The following ARHGEF28 variants were observed in gnomAD, a reference collection of about 807,000 sequenced individuals.
ARHGEF28 encodes the protein 190 kDa guanine nucleotide exchange factor.
ARHGEF28 carries 152 observed loss-of-function variants against 206.6 expected under a neutral mutation model. The ratio of observed to expected loss-of-function variants is 0.74; its 90% CI spans 0.64 to 0.84. The LOEUF (loss-of-function observed/expected upper bound fraction) is 0.84. Ranked by LOEUF, ARHGEF28 falls within the 40% of genes least tolerant of loss-of-function variation. The probability of loss-of-function intolerance (pLI) is 0.00; values close to 1 mark genes in which losing one functional copy is unlikely to be tolerated. For missense variants in ARHGEF28, 2,028 were observed against 2,073.2 expected, an observed-to-expected ratio of 0.98 and a Z score of 0.42; for synonymous variants, 763 against 776.4, an observed-to-expected ratio of 0.98 and a Z score of 0.29.
intron 9 of ARHGEF28, among the ~76,000 whole-genome samples, chr5:73,831,416 C>T (rs967110770): frequency 5.9e-5 from 9 of 152,180 alleles, no homozygotes; most frequent in Non-Finnish European, 1.3e-4. Context: ...TTTAGGCAAC[C>T]TCATCTATTT....
chr5:73,697,574 C>G (rs1376525998), intron 2 of ARHGEF28, among the ~76,000 whole-genome samples: 1 of 152,102 alleles, frequency 6.6e-6, no homozygotes, highest in Non-Finnish European at 1.5e-5. Context: ...GCTCAGGTCT[C>G]TCTCCCTCTT....
In ARHGEF28 at chr5:73,858,174, G is replaced by C; in HGVS notation, c.2002G>C (p.Val668Leu). The C allele has an allele frequency of 6.2e-7, 1 of 1,610,718 alleles. No homozygotes were observed. Among genetic ancestry groups the C allele is most frequent in the Non-Finnish European group, 8.5e-7 (1 of 1,179,000 alleles). The change falls in exon 16 of 36, where the codon GTT becomes CTT. Residue 668 changes from valine (V) to leucine (L), a missense_variant. Physicochemically the swap from Val to Leu is conservative, Grantham distance 32. Around this residue, in one of 3 missense-constraint regions of ARHGEF28, gnomAD observed 1,002 missense variants for 1,015.3 expected, o/e 0.99. Coordinates refer to ENST00000513042, the MANE Select transcript of ARHGEF28 (RefSeq NM_001177693.2). ...ATTCTCTGGGGTTCTGCAGTGTTTGGTTTGTGATAAAACACTCCTGGGGAA... is the reference window on the plus strand; with the variant it reads ...ATTCTCTGGGGTTCTGCAGTGTTTGCTTTGTGATAAAACACTCCTGGGGAA... ...GTFSGVLQCLVCDKTLLGKES... is the reference protein window; with the variant it reads ...GTFSGVLQCLLCDKTLLGKES...
chr5:73,685,933 A>G (rs1458296941), intron 2 of ARHGEF28, among the ~76,000 whole-genome samples: 1 of 152,136 alleles, frequency 6.6e-6, no homozygotes, highest in Non-Finnish European at 1.5e-5. Context: ...AATTGGAACA[A>G]ATTTAATCAG....
chr5:73,717,140 A>G (rs1057290546), intron 2 of ARHGEF28, among the ~76,000 whole-genome samples: 1 of 152,162 alleles, frequency 6.6e-6, no homozygotes, highest in Non-Finnish European at 1.5e-5. Flanking sequence ...TAATTAACAG[A>G]ATGCGACTCC....
chr5:73,842,168 C>A (rs1758028642), intron 11 of ARHGEF28, among the ~76,000 whole-genome samples: 1 of 152,140 alleles, frequency 6.6e-6, no homozygotes, highest in African/African-American at 2.4e-5. Context: ...TCACACTTTC[C>A]TTAGGGAGTA....
intron 26 of ARHGEF28, among the ~76,000 whole-genome samples, chr5:73,891,422 G>A (rs1380821785): frequency 6.6e-6 from 1 of 151,988 alleles, no homozygotes; most frequent in Non-Finnish European, 1.5e-5. Context: ...ATTTGACATA[G>A]TTTCCTATCT....
rs76768076 is a variant in ARHGEF28 at position 73,919,773 on chromosome 5, C to T, written c.4948+8198C>T. Among the ~76,000 whole-genome samples, 1,261 of 152,202 alleles carry T rather than the reference C, an allele frequency of 8.3e-3. 14 individuals carry two copies. Among genetic ancestry groups the T allele is most frequent in the African/African-American group, 0.028 (1,179 of 41,534 alleles). On this transcript the variant is annotated intron_variant, in intron 35 of 35. Coordinates refer to ENST00000513042, the MANE Select transcript of ARHGEF28 (RefSeq NM_001177693.2). ...TAATCTCTTTTTGAGTTTGGTTATC[C>T]TGAATCAATTTGTACTTGTTAGTTC...
chr5:73,868,287 C>T (rs2112633462), intron 20 of ARHGEF28, 60 bp downstream of exon 20: 5 of 1,503,728 alleles, frequency 3.3e-6, no homozygotes, highest in Non-Finnish European at 4.5e-6. Context: ...CAAAATGACA[C>T]TGTCTGAAGG....
intron 33 of ARHGEF28, 126 bp downstream of exon 33, chr5:73,904,531 C>T: frequency 9.5e-7 from 1 of 1,049,508 alleles, no homozygotes; most frequent in Non-Finnish European, 1.4e-6. Context: ...AGAATGACAA[C>T]CTTCTAAGTG....
chr5:73,794,854 G>A (rs531172762), intron 8 of ARHGEF28, among the ~76,000 whole-genome samples: 3 of 152,244 alleles, frequency 2.0e-5, no homozygotes, highest in Non-Finnish European at 2.9e-5. Flanking sequence ...TGATCTGCCC[G>A]CCTCGGTCTC....
At chr5:73,654,389 G>A (rs1015645834) in intron 1 of ARHGEF28, among the ~76,000 whole-genome samples, 8 of 152,208 alleles carry the variant, frequency 5.3e-5, no homozygotes, top group Admixed American at 5.2e-4. Flanking sequence ...ACAGGGAGAG[G>A]CCTTTCCTCT....
At position 73,882,530 on chromosome 5, in the gene ARHGEF28, A is replaced by G; in HGVS notation, c.2873A>G (p.His958Arg). Residue 958 changes from histidine to arginine, a missense_variant, in exon 23 of 36, where the codon CAT (histidine) becomes CGT (arginine). Coordinates refer to ENST00000513042, the MANE Select transcript of ARHGEF28 (RefSeq NM_001177693.2). ...ATATATGGAGAATTCTGTTGCCATCATAAAGAAGCTGTTAACCTCTTTAAA... is the reference window on the plus strand; with the variant it reads ...ATATATGGAGAATTCTGTTGCCATCGTAAAGAAGCTGTTAACCTCTTTAAA... ...KKIYGEFCCH[H>R]KEAVNLFKEL... The G allele has an allele frequency of 6.6e-7, 1 of 1,512,636 alleles. No homozygotes were observed. The highest frequency in any genetic ancestry group is 8.9e-7 in the Non-Finnish European group (1 of 1,120,470). 93.7% of individuals were successfully genotyped at this position (1,512,636 alleles called of 1,614,324 possible). A position where few individuals can be genotyped will look rare whatever the true frequency, so the allele number is the denominator to read the frequency against.
chr5:73,642,520 G>A lies in ARHGEF28; in HGVS notation c.-12+16198G>A, dbSNP rs1161009729. On this transcript the variant is annotated intron_variant, in intron 1 of 35. Coordinates refer to ENST00000513042, the MANE Select transcript of ARHGEF28 (RefSeq NM_001177693.2). ...CCAGTGTGTTTAATGCATTCCAGGA[G>A]TCTGTTTGCATTTTAAATGCATTGC... Among the ~76,000 whole-genome samples, 3 of 152,138 alleles carry A rather than the reference G, an allele frequency of 2.0e-5. No individual in the cohort carries two copies. In the East Asian group the frequency reaches 5.8e-4, roughly 29 times the overall value.
At chr5:73,766,987 C>T (rs4499812) in intron 4 of ARHGEF28, among the ~76,000 whole-genome samples, 2,326 of 152,220 alleles carry the variant, frequency 0.015, 53 homozygotes, top group African/African-American at 0.054. Context: ...ATTGAATTAT[C>T]GGGGTGGGTC....
chr5:73,667,194 C>T (rs1031608652), intron 1 of ARHGEF28, among the ~76,000 whole-genome samples: 4 of 152,052 alleles, frequency 2.6e-5, no homozygotes, highest in Admixed American at 6.6e-5. Flanking sequence ...AGCCTCCCTC[C>T]TATCGTGGCC....
At chr5:73,921,042 C>CT (rs1352527263) in intron 35 of ARHGEF28, among the ~76,000 whole-genome samples, 2 of 152,118 alleles carry the variant, frequency 1.3e-5, no homozygotes, top group African/African-American at 4.8e-5. Context: ...TTCTTAAACT[C>CT]TTTTTTTCTT....
chr5:73,818,716 C>A (rs574803527), intron 9 of ARHGEF28, among the ~76,000 whole-genome samples: 1 of 152,146 alleles, frequency 6.6e-6, no homozygotes, highest in South Asian at 2.1e-4. Context: ...AGTTGCATAC[C>A]CTCAAAGCTC....
chr5:73,923,284 T>TA (rs3833638), intron 35 of ARHGEF28: 116,735 of 829,156 alleles, frequency 0.14, 10,057 homozygotes, highest in African/African-American at 0.43. Flanking sequence ...TAAAGCATGG[T>TA]AAAAAAAAAT....
At chr5:73,832,091 G>A (rs780899821) in intron 9 of ARHGEF28, among the ~76,000 whole-genome samples, 27 of 152,126 alleles carry the variant, frequency 1.8e-4, no homozygotes, top group Non-Finnish European at 3.1e-4. Context: ...CTCTAATGAT[G>A]GGGAAAATAA....
Sources: gnomAD v4.1 joint callset for allele counts (sites outside exome capture counted in the v4.1 genomes callset) on GRCh38, gnomAD v4.1.1 for gene constraint, gnomAD v4.1.1 regional missense constraint, MANE v1.5 for transcripts, NCBI Gene and HGNC (gene_info 2026-07-23, HGNC 2026-07-21) for gene names.